The following PTN variants were observed in gnomAD, a reference collection of about 807,000 sequenced individuals.
PTN encodes pleiotrophin.
PTN carries 18 observed loss-of-function variants against 24.1 expected under a neutral mutation model. That is an observed-to-expected ratio of 0.75 (90% CI 0.52 to 1.11). PTN has a LOEUF of 1.11. Ranked by LOEUF, PTN falls within the 50% of genes least tolerant of loss-of-function variation. The pLI is 0.00. For synonymous variants in PTN, 78 were observed against 68.6 expected, an observed-to-expected ratio of 1.14 and a Z score of -0.67; for missense variants, 163 against 198.8, an observed-to-expected ratio of 0.82 and a Z score of 1.08.
chr7:137,295,187 C>G (rs944661125), intron 1 of PTN, among the ~76,000 whole-genome samples: 3 of 152,128 alleles, frequency 2.0e-5, no homozygotes, highest in Admixed American at 6.6e-5. Flanking sequence ...CTCAAATATA[C>G]TTATTCATTC....
At chr7:137,288,503 G>A (rs1486979928) in intron 1 of PTN, among the ~76,000 whole-genome samples, 1 of 152,004 alleles carries the variant, frequency 6.6e-6, no homozygotes, top group Non-Finnish European at 1.5e-5. Flanking sequence ...TACATTCCAG[G>A]GGCCTCCAAT....
At chr7:137,266,518 A>C (rs1809149088) in intron 1 of PTN, among the ~76,000 whole-genome samples, 1 of 152,032 alleles carries the variant, frequency 6.6e-6, no homozygotes, top group African/African-American at 2.4e-5. Context: ...CACATGCTCA[A>C]CTTTCTGACT....
chr7:137,272,593 G>T (rs1809293081), intron 1 of PTN, among the ~76,000 whole-genome samples: 2 of 152,240 alleles, frequency 1.3e-5, no homozygotes, highest in Non-Finnish European at 2.9e-5. Flanking sequence ...AAACTGAAAA[G>T]GAAATGACAT....
chr7:137,235,071 A>G (rs776205165), intron 4 of PTN, among the ~76,000 whole-genome samples: 6 of 152,096 alleles, frequency 3.9e-5, no homozygotes, highest in Non-Finnish European at 8.8e-5. Context: ...TTGGAGGCAT[A>G]CCATCAAGAC....
chr7:137,258,415 TC>T (rs1236043509), intron 1 of PTN, among the ~76,000 whole-genome samples: 2 of 152,158 alleles, frequency 1.3e-5, no homozygotes, highest in Non-Finnish European at 2.9e-5. Flanking sequence ...GTACAGTGGG[TC>T]ACCTGTGTAC....
At chr7:137,251,865 C>G (rs1366539178) in intron 3 of PTN, among the ~76,000 whole-genome samples, 1 of 151,902 alleles carries the variant, frequency 6.6e-6, no homozygotes, top group Non-Finnish European at 1.5e-5. Context: ...CATCAATAGT[C>G]TGTTTCTTCC....
At chr7:137,229,709 TA>T (rs1808396130) in intron 4 of PTN, among the ~76,000 whole-genome samples, 1 of 151,780 alleles carries the variant, frequency 6.6e-6, no homozygotes, top group Non-Finnish European at 1.5e-5. Context: ...ATTTCTATAC[TA>T]AAGAAATTTA....
At chr7:137,329,506 C>A (rs1158891913) in intron 1 of PTN, among the ~76,000 whole-genome samples, 1 of 152,108 alleles carries the variant, frequency 6.6e-6, no homozygotes, top group African/African-American at 2.4e-5. Context: ...CAGACAACAG[C>A]AGGAGCTTGG....
At chr7:137,288,109 C>T (rs1809585706) in intron 1 of PTN, among the ~76,000 whole-genome samples, 1 of 152,082 alleles carries the variant, frequency 6.6e-6, no homozygotes, top group Non-Finnish European at 1.5e-5. Flanking sequence ...TTGAATCTTT[C>T]AAAGCAGAGA....
At chr7:137,302,892 A>G (rs1308119635) in intron 1 of PTN, among the ~76,000 whole-genome samples, 1 of 152,010 alleles carries the variant, frequency 6.6e-6, no homozygotes, top group Non-Finnish European at 1.5e-5. Flanking sequence ...TTCTCAATGT[A>G]AACTGTATGC....
intron 1 of PTN, among the ~76,000 whole-genome samples, chr7:137,321,403 T>A (rs1349545378): frequency 6.6e-6 from 1 of 152,220 alleles, no homozygotes; most frequent in Non-Finnish European, 1.5e-5. Flanking sequence ...CTTCTCCCTC[T>A]CACAGTTCAT....
At chr7:137,299,859 C>T (rs1809778274) in intron 1 of PTN, among the ~76,000 whole-genome samples, 1 of 151,898 alleles carries the variant, frequency 6.6e-6, no homozygotes, top group African/African-American at 2.4e-5. Context: ...TCATGGTAGC[C>T]CCCAGGTAAG....
intron 1 of PTN, among the ~76,000 whole-genome samples, chr7:137,256,895 C>T (rs1296136479): frequency 6.6e-6 from 1 of 151,998 alleles, no homozygotes; most frequent in Non-Finnish European, 1.5e-5. Context: ...CTGCAGCCAA[C>T]AAATATGAAA....
chr7:137,278,692 G>A (rs1288514423), intron 1 of PTN, among the ~76,000 whole-genome samples: 1 of 152,022 alleles, frequency 6.6e-6, no homozygotes, highest in Non-Finnish European at 1.5e-5. Context: ...TGTAATCCCA[G>A]CACTTTGGGA....
intron 1 of PTN, among the ~76,000 whole-genome samples, chr7:137,273,748 A>C (rs928322585): frequency 2.0e-5 from 3 of 152,158 alleles, no homozygotes; most frequent in African/African-American, 4.8e-5. Context: ...GTCATTAAGT[A>C]GTCTGGAGAA....
chr7:137,329,477 A>T (rs1331856258), intron 1 of PTN, among the ~76,000 whole-genome samples: 1 of 152,150 alleles, frequency 6.6e-6, no homozygotes, highest in Non-Finnish European at 1.5e-5. Context: ...GGGTGAAGGT[A>T]GAGGACAAGG....
At chr7:137,279,874 G>A (rs907129096) in intron 1 of PTN, among the ~76,000 whole-genome samples, 4 of 152,174 alleles carry the variant, frequency 2.6e-5, no homozygotes, top group African/African-American at 9.7e-5. Flanking sequence ...ACTTGACATA[G>A]TACAGGTCAA....
chr7:137,337,444 A>T (rs1273570417), intron 1 of PTN, among the ~76,000 whole-genome samples: 1 of 152,154 alleles, frequency 6.6e-6, no homozygotes, highest in Admixed American at 6.5e-5. Context: ...AATCTACCTG[A>T]GTAGAGTTAC....
At chr7:137,322,663 G>A (rs915610006) in intron 1 of PTN, among the ~76,000 whole-genome samples, 3 of 152,110 alleles carry the variant, frequency 2.0e-5, no homozygotes, top group Non-Finnish European at 4.4e-5. Flanking sequence ...GTTTGGTTTT[G>A]CAAAGTATTT....
Sources: gnomAD v4.1 joint callset for allele counts (sites outside exome capture counted in the v4.1 genomes callset) on GRCh38, gnomAD v4.1.1 for gene constraint, MANE v1.5 for transcripts, NCBI Gene and HGNC (gene_info 2026-07-23, HGNC 2026-07-21) for gene names.